LALBA: variants seen among roughly 807,000 people sequenced by gnomAD.
LALBA encodes lactalbumin alpha.
A neutral mutation model predicts 13.4 loss-of-function variants in LALBA; 12 were observed. The observed-to-expected ratio is 0.89, with a 90% confidence interval of 0.57 to 1.45. The LOEUF is 1.45. LALBA is among the 40% of genes most tolerant of loss of function. LALBA has a pLI of 0.00. For missense variants in LALBA, 145 were observed against 165.9 expected, an observed-to-expected ratio of 0.87 and a Z score of 0.69; for synonymous variants, 64 against 61.0, an observed-to-expected ratio of 1.05 and a Z score of -0.23.
At chr12:48,571,382 C>CCTTTT (rs1938630636), upstream of LALBA, among the ~76,000 whole-genome samples, 2 of 25,668 alleles carry the variant, frequency 7.8e-5, no homozygotes, top group African/African-American at 3.7e-4. Flanking sequence ...TCTTCTTCTT[C>CCTTTT]TTCCTTTTTT....
chr12:48,568,702 T>C, intron 2 of LALBA, 110 bp from the exon 3 acceptor site: 1 of 676,262 alleles, frequency 1.5e-6, no homozygotes, highest in Non-Finnish European at 2.6e-6. Flanking sequence ...TCAAGGCTTG[T>C]GCCTGTTGTC....
chr12:48,570,206 C>G (rs550677899), upstream of LALBA: 354 of 621,912 alleles, frequency 5.7e-4, no homozygotes, highest in African/African-American at 6.0e-3. Context: ...CCTACTTTTC[C>G]TTTCCCTCTC....
upstream of LALBA, among the ~76,000 whole-genome samples, chr12:48,570,431 C>T (rs1049636140): frequency 1.3e-5 from 2 of 152,088 alleles, no homozygotes; most frequent in African/African-American, 2.4e-5. Flanking sequence ...CCGAGCTTCC[C>T]CCTTCCCCCC....
upstream of LALBA, among the ~76,000 whole-genome samples, chr12:48,570,836 G>A (rs1055942547): frequency 2.0e-5 from 3 of 151,866 alleles, no homozygotes; most frequent in Admixed American, 1.3e-4. Context: ...AATTAGCTGG[G>A]CATGGTGACA....
chr12:48,570,435 T>TC (rs1031383009), upstream of LALBA, among the ~76,000 whole-genome samples: 11 of 151,922 alleles, frequency 7.2e-5, no homozygotes, highest in South Asian at 2.1e-4. Context: ...GCTTCCCCCT[T>TC]CCCCCCTAGA....
At position 48,568,741 on chromosome 12, in the gene LALBA, T is replaced by C. The variant is rs1938596558; in HGVS notation, c.293-149A>G. On this transcript the variant is annotated intron_variant, in intron 2 of 3. Transcript: ENST00000301046. ...CTATATGAAAGGACCAATGTGGTAA[T>C]GTCTAACCCTGGGTAGGGACTTCCT... is the stretch of plus-strand genomic sequence containing the variant. The C allele has an allele frequency of 2.7e-5, 16 of 599,344 alleles. No homozygotes were observed. In the East Asian group the frequency reaches 4.6e-4, roughly 17 times the overall value. The allele number at this position is 599,344 out of a possible 1,614,324, so 37.1% of individuals were successfully genotyped here. A position where few individuals can be genotyped will look rare whatever the true frequency, so the allele number is the denominator to read the frequency against.
chr12:48,568,050 G>A (rs773186986), intron 3 of LALBA, 33 bp from the exon 4 acceptor site: 2 of 1,522,670 alleles, frequency 1.3e-6, no homozygotes, highest in Admixed American at 1.9e-5. Flanking sequence ...AGGTGAGTTA[G>A]CTGACTGAAT....
rs191175546 is a variant in LALBA, at chr12:48,568,110, T to A, written c.369-93A>T. ...TGAAGTGGAAGAGCGTGGACGAGAA[T>A]TACAGAAAGACATTCCTGGCCTGAT... On this transcript the variant is annotated intron_variant, in intron 3 of 3. Transcript: ENST00000301046. 2.3e-5 allele frequency: 22 copies of A among 966,224 alleles called. No homozygotes were observed. In the African/African-American group the frequency reaches 3.2e-4, roughly 14 times the overall value. The allele number at this position is 966,224 out of a possible 1,614,324, so 59.9% of individuals were successfully genotyped here. A position where few individuals can be genotyped will look rare whatever the true frequency, so the allele number is the denominator to read the frequency against.
chr12:48,570,379 T>C (rs1405720200), upstream of LALBA, among the ~76,000 whole-genome samples: 5 of 152,018 alleles, frequency 3.3e-5, no homozygotes, highest in African/African-American at 7.2e-5. Context: ...ATGGGGGCAA[T>C]ATAAGAAGTG....
intron 3 of LALBA, 124 bp downstream of exon 3, chr12:48,568,393 G>T: frequency 1.4e-6 from 1 of 698,080 alleles, no homozygotes; most frequent in Non-Finnish European, 2.5e-6. Context: ...CTCTAGGTAA[G>T]CTTTGTTTCA....
intron 2 of LALBA, among the ~76,000 whole-genome samples, chr12:48,568,829 G>A (rs1938597801): frequency 6.6e-6 from 1 of 152,166 alleles, no homozygotes; most frequent in Non-Finnish European, 1.5e-5. Flanking sequence ...CCCTGAAAAT[G>A]CAGACAATCA....
intron 1 of LALBA, 143 bp from the exon 2 acceptor site, chr12:48,569,383 CA>C (rs1051196927): frequency 6.0e-4 from 393 of 652,296 alleles, no homozygotes; most frequent in Admixed American, 8.6e-4. Flanking sequence ...TGGAGAATTC[CA>C]AAAAAAAATC....
At position 48,570,008 on chromosome 12, in the gene LALBA, C is replaced by A; in HGVS notation, c.13G>T (p.Val5Phe). Residue 5 changes from valine to phenylalanine, a missense_variant, in exon 1 of 4, where the codon GTC becomes TTC. Physicochemically the swap from Val to Phe is conservative, Grantham distance 50 (BLOSUM62 -1). Coordinates refer to ENST00000301046, the MANE Select transcript of LALBA (RefSeq NM_002289.3). Reference sequence around the variant, plus strand: ...AGGATGCCCACCAGGAACAGAGGGACAAAGAACCTCATTTTGGCTACCCCC... The same window carrying A: ...AGGATGCCCACCAGGAACAGAGGGAAAAAGAACCTCATTTTGGCTACCCCC... MRFF[V>F]PLFLVGILFP... The A allele has an allele frequency of 1.2e-6, 2 of 1,613,940 alleles. No homozygotes were observed. The highest frequency in any genetic ancestry group is 1.7e-6 in the Non-Finnish European group (2 of 1,179,968).
intron 1 of LALBA, 60 bp downstream of exon 1, chr12:48,569,828 G>C: frequency 4.5e-6 from 7 of 1,562,166 alleles, no homozygotes; most frequent in Non-Finnish European, 6.1e-6. Context: ...GTGGAAGAAA[G>C]AGGGGATGGA....
chr12:48,571,522 C>T (rs988745064), upstream of LALBA, among the ~76,000 whole-genome samples: 1 of 151,052 alleles, frequency 6.6e-6, no homozygotes, highest in African/African-American at 2.4e-5. Context: ...GTAGCTGGGA[C>T]TACAGGCACG....
chr12:48,569,087 C>T lies in LALBA; in HGVS notation c.287G>A (p.Cys96Tyr), dbSNP rs761295210. 9 of 1,610,036 alleles carry T rather than the reference C, an allele frequency of 5.6e-6. No individual in the cohort carries two copies. Among genetic ancestry groups the T allele is most frequent in the Non-Finnish European group, 7.6e-6 (9 of 1,179,016 alleles). ...PQSRNICDISCDKFLDDDITD... is the reference protein window; with the variant it reads ...PQSRNICDISYDKFLDDDITD... ...GGGTTATAGGGGCTACTCACTGTCACAGGAGATGTCACAGATGTTCCTTGA... is the reference window on the plus strand; with the variant it reads ...GGGTTATAGGGGCTACTCACTGTCATAGGAGATGTCACAGATGTTCCTTGA... Residue 96 changes from cysteine to tyrosine, a missense_variant, in exon 2 of 4, where the codon TGT becomes TAT. Transcript: ENST00000301046.
chr12:48,567,754 C>A lies in LALBA; in HGVS notation c.*203G>T, dbSNP rs1456429097. The A allele has an allele frequency of 3.7e-6, 2 of 536,066 alleles. No individual in the cohort carries two copies. Among genetic ancestry groups the A allele is most frequent in the Non-Finnish European group, 6.8e-6 (2 of 296,022 alleles). 33.2% of individuals were successfully genotyped at this position (536,066 alleles called of 1,614,324 possible). On this transcript the variant is annotated 3_prime_UTR_variant, in exon 4 of 4. Coordinates refer to ENST00000301046, the MANE Select transcript of LALBA (RefSeq NM_002289.3). ...GCTGTAGTGAAAGTGCCATCGAAGG[C>A]ACTGAGTAAGGGTCTAGAGCTCAGT... is the stretch of plus-strand genomic sequence containing the variant.
Position 48,569,150 on chromosome 12 carries a change from C to G in LALBA, c.224G>C (p.Ser75Thr). The change falls in exon 2 of 4, where the codon AGT becomes ACT. Residue 75 changes from serine (S) to threonine (T), a missense_variant. Transcript: ENST00000301046. ...GCTGCTCTTGCACCAAAGCTTATTACTGATCTGGAAGAGTCCATATTCCGT... is the reference window on the plus strand; with the variant it reads ...GCTGCTCTTGCACCAAAGCTTATTAGTGATCTGGAAGAGTCCATATTCCGT... ...ESTEYGLFQI[S>T]NKLWCKSSQV... The G allele has an allele frequency of 1.2e-6, 2 of 1,613,648 alleles. No individual in the cohort carries two copies. The highest frequency in any genetic ancestry group is 1.7e-6 in the Non-Finnish European group (2 of 1,179,814).
chr12:48,568,327 AG>A, intron 3 of LALBA, 189 bp downstream of exon 3: 1 of 615,136 alleles, frequency 1.6e-6, no homozygotes, highest in Non-Finnish European at 2.9e-6. Context: ...ACCCCTTATT[AG>A]GAAAATTGCT....
Sources: allele counts gnomAD v4.1 joint callset (sites outside exome capture counted in the v4.1 genomes callset), GRCh38; gene constraint gnomAD v4.1.1; transcripts MANE v1.5; gene names NCBI Gene and HGNC (gene_info 2026-07-23, HGNC 2026-07-21).